SEC22B: variants seen among roughly 807,000 people sequenced by gnomAD.
The protein encoded by SEC22B is SEC22 homolog B, vesicle trafficking protein.
SEC22B carries 10 observed loss-of-function variants against 31.4 expected under a neutral mutation model. The observed-to-expected ratio is 0.32, with a 90% CI of 0.20 to 0.54. SEC22B has a LOEUF of 0.54. Among genes scored for constraint, SEC22B ranks in the 20% least tolerant of loss-of-function variants. SEC22B has a pLI of 0.94. For synonymous variants in SEC22B, 60 were observed against 95.9 expected, an observed-to-expected ratio of 0.63 and a Z score of 2.19; for missense variants, 130 against 263.4, an observed-to-expected ratio of 0.49 and a Z score of 3.50.
chr1:120,161,411 G>A (rs1361181609), intron 3 of SEC22B, among the ~76,000 whole-genome samples: 3 of 151,744 alleles, frequency 2.0e-5, no homozygotes, highest in African/African-American at 7.3e-5. Context: ...CTGAAGTCTC[G>A]GCCAGGCACT....
intron 2 of SEC22B, among the ~76,000 whole-genome samples, chr1:120,168,459 A>G (rs1570869437): frequency 1.3e-5 from 2 of 152,188 alleles, no homozygotes. Context: ...CAAACCTCCT[A>G]TGTTTATTTT....
chr1:120,166,313 C>T (rs1354457074), intron 2 of SEC22B, among the ~76,000 whole-genome samples: 12 of 148,502 alleles, frequency 8.1e-5, no homozygotes, highest in Non-Finnish European at 1.2e-4. Context: ...CCCATGTTTA[C>T]GGCAGCACCA....
chr1:120,175,411 G>A (rs1487124276), intron 1 of SEC22B, among the ~76,000 whole-genome samples: 1 of 131,654 alleles, frequency 7.6e-6, no homozygotes, highest in Non-Finnish European at 1.6e-5. Flanking sequence ...TTTTTTTAAG[G>A]CTCAAGGTTT....
chr1:120,160,366 C>A lies in SEC22B; in HGVS notation c.493+18G>T, dbSNP rs1657696041. On this transcript the variant is annotated intron_variant, in intron 4 of 4. Coordinates refer to ENST00000578049, the MANE Select transcript of SEC22B (RefSeq NM_004892.6). The stretch of plus-strand genomic sequence containing the variant: ...GAATGAGAACCATTTCTTCATAAGA[C>A]TCATTGCTTTTAGATACCTGAGAGT... The A allele has an allele frequency of 6.3e-7, 1 of 1,594,344 alleles. No individual in the cohort carries two copies. Among genetic ancestry groups the A allele is most frequent in the Middle Eastern group, 1.7e-4 (1 of 5,996 alleles).
chr1:120,176,254 G>T, intron 1 of SEC22B, 53 bp downstream of exon 1: 1 of 1,554,020 alleles, frequency 6.4e-7, no homozygotes, highest in East Asian at 2.3e-5. Flanking sequence ...GATGCTGAGG[G>T]CAAAGCGCGC....
chr1:120,166,396 T>TACAA (rs1553229702), intron 2 of SEC22B, among the ~76,000 whole-genome samples: 1 of 143,568 alleles, frequency 7.0e-6, no homozygotes, highest in Non-Finnish European at 1.5e-5. Context: ...AAGTGTTTTT[T>TACAA]ACACACACAC....
rs1172724215 is a variant in SEC22B, at chr1:120,155,133, A to G, written c.*1905T>C. 3.5e-5 allele frequency: 5 copies of G among 144,696 alleles called. No individual in the cohort carries two copies. The South Asian group carries it at 8.7e-4, about 25-fold the overall frequency. 9.0% of individuals were successfully genotyped at this position (144,696 alleles called of 1,614,324 possible). On this transcript the variant is annotated 3_prime_UTR_variant, in exon 5 of 5. Coordinates refer to ENST00000578049, the MANE Select transcript of SEC22B (RefSeq NM_004892.6). Reference sequence around the variant, plus strand: ...CTTATTTCTTAATTAGCCCAACAAGATTAGATAGAAATGTATCTACAAAGG... The same window carrying G: ...CTTATTTCTTAATTAGCCCAACAAGGTTAGATAGAAATGTATCTACAAAGG...
At chr1:120,161,665 C>G (rs1469565548) in intron 3 of SEC22B, among the ~76,000 whole-genome samples, 133 of 150,260 alleles carry the variant, frequency 8.9e-4, no homozygotes, top group Non-Finnish European at 9.1e-4. Context: ...TGCCACTGCA[C>G]CCCAGCCTGG....
intron 1 of SEC22B, among the ~76,000 whole-genome samples, chr1:120,172,989 GTTGTATCAATAACAACTT>G (rs1657912834): frequency 6.6e-6 from 1 of 150,982 alleles, no homozygotes. Flanking sequence ...TGAACAACTA[GTTGTATCAATAACAACTT>G]TTGCCTTCAT....
chr1:120,174,225 G>A (rs1244177809), intron 1 of SEC22B, among the ~76,000 whole-genome samples: 1 of 152,276 alleles, frequency 6.6e-6, no homozygotes, highest in Non-Finnish European at 1.5e-5. Flanking sequence ...GATTTTAATA[G>A]TACCTGTTCT....
At position 120,156,916 on chromosome 1, in the gene SEC22B, A is replaced by G. The variant is rs1657637317; in HGVS notation, c.*122T>C. On this transcript the variant is annotated 3_prime_UTR_variant, in exon 5 of 5. Transcript: ENST00000578049. ...ATTTTCAGGGCATCTCTTTTCTTGC[A>G]AGGTCTTTAGAGGCAGAAGTTCCAC... The G allele has an allele frequency of 5.3e-6, 3 of 561,656 alleles. No homozygotes were observed. Among genetic ancestry groups the G allele is most frequent in the Non-Finnish European group, 8.2e-6 (3 of 364,708 alleles). 34.8% of individuals were successfully genotyped at this position (561,656 alleles called of 1,614,324 possible).
At chr1:120,168,000 TTTTA>T (rs1657840067) in intron 2 of SEC22B, among the ~76,000 whole-genome samples, 1 of 151,506 alleles carries the variant, frequency 6.6e-6, no homozygotes, top group African/African-American at 2.4e-5. Flanking sequence ...TTGCCTAGGG[TTTTA>T]TTTTTGTTTT....
At chr1:120,176,225 C>A in intron 1 of SEC22B, 82 bp downstream of exon 1, 5 of 1,369,416 alleles carry the variant, frequency 3.7e-6, no homozygotes, top group Non-Finnish European at 5.0e-6. Context: ...AAAGGTCTCC[C>A]GGTCCTAGGA....
At position 120,151,418 on chromosome 1, in the gene SEC22B, C is replaced by T. The variant is rs1429193279; in HGVS notation, c.*5620G>A. On this transcript the variant is annotated 3_prime_UTR_variant, in exon 5 of 5. Coordinates refer to ENST00000578049, the MANE Select transcript of SEC22B (RefSeq NM_004892.6). ...AAATTATTGGCCGGGCGCAGTGGCC[C>T]ATGCCTGTAATCCCAGCACTTTGGG... 1.3e-5 allele frequency: 2 copies of T among 152,270 alleles called. No individual in the cohort carries two copies. Among genetic ancestry groups the T allele is most frequent in the African/African-American group, 4.8e-5 (2 of 41,442 alleles). 9.4% of individuals were successfully genotyped at this position (152,270 alleles called of 1,614,324 possible).
intron 1 of SEC22B, among the ~76,000 whole-genome samples, chr1:120,172,808 T>C (rs1657910959): frequency 1.0e-5 from 1 of 99,960 alleles, no homozygotes; most frequent in East Asian, 3.0e-4. Flanking sequence ...TTATGAGATA[T>C]CTATTAGTAA....
intron 3 of SEC22B, among the ~76,000 whole-genome samples, chr1:120,161,791 T>C (rs1483237530): frequency 6.6e-6 from 1 of 151,906 alleles, no homozygotes; most frequent in East Asian, 1.9e-4. Context: ...TGACTTATTA[T>C]TAAAGATATT....
intron 1 of SEC22B, among the ~76,000 whole-genome samples, chr1:120,175,459 A>G (rs1382745339): frequency 1.3e-5 from 2 of 148,946 alleles, no homozygotes; most frequent in African/African-American, 5.0e-5. Flanking sequence ...AAAATTGATC[A>G]CTTTAAACAA....
At chr1:120,163,765 G>A (rs1313795437) in intron 2 of SEC22B, among the ~76,000 whole-genome samples, 19 of 151,158 alleles carry the variant, frequency 1.3e-4, no homozygotes, top group African/African-American at 4.4e-4. Context: ...TAGTAGAGAC[G>A]GGGTTTCACC....
chr1:120,176,267 A>T, intron 1 of SEC22B, 40 bp downstream of exon 1: 1 of 1,590,746 alleles, frequency 6.3e-7, no homozygotes, highest in Admixed American at 1.7e-5. Context: ...AAGCGCGCTG[A>T]CAGAGACTTG....
Sources: allele counts gnomAD v4.1 joint callset (sites outside exome capture counted in the v4.1 genomes callset), GRCh38; gene constraint gnomAD v4.1.1; transcripts MANE v1.5; gene names NCBI Gene and HGNC (gene_info 2026-07-23, HGNC 2026-07-21).